Variants in REPS1 observed in about 807,000 individuals in gnomAD.
The protein encoded by REPS1 is ralBP1-associated Eps domain-containing protein 1.
REPS1 carries 39 observed loss-of-function variants against 100.9 expected under a neutral mutation model. That is an observed-to-expected ratio of 0.39 (90% confidence interval 0.30 to 0.50). The LOEUF (loss-of-function observed/expected upper bound fraction) is 0.50, where lower values mean the gene tolerates loss of function less well. Ranked by LOEUF, REPS1 falls within the 20% of genes least tolerant of loss-of-function variation. REPS1 has a pLI of 0.86. For missense variants in REPS1, 821 were observed against 968.5 expected (o/e 0.85, Z 2.02); for synonymous variants, 324 against 340.3 (o/e 0.95, Z 0.53).
chr6:138,949,900 T>C (rs989091395), intron 1 of REPS1, among the ~76,000 whole-genome samples: 11 of 152,166 alleles, frequency 7.2e-5, no homozygotes, highest in Non-Finnish European at 4.4e-5. Context: ...ATGGAGCTGA[T>C]GACTTAGGCA....
intron 12 of REPS1, among the ~76,000 whole-genome samples, chr6:138,918,981 T>C (rs938427433): frequency 2.6e-5 from 4 of 152,228 alleles, no homozygotes; most frequent in African/African-American, 9.7e-5. Flanking sequence ...TCCTTTTTCT[T>C]GTAAATCACA....
chr6:138,903,582 A>G lies in REPS1; in HGVS notation c.*1482T>C, dbSNP rs1375758954. The G allele has an allele frequency of 2.6e-5, 4 of 152,208 alleles. No homozygotes were observed. Among genetic ancestry groups the G allele is most frequent in the African/African-American group, 4.8e-5 (2 of 41,456 alleles). The allele number at this position is 152,208 out of a possible 1,614,324, so 9.4% of individuals were successfully genotyped here. On this transcript the variant is annotated 3_prime_UTR_variant, in exon 20 of 20. Coordinates refer to ENST00000450536, the MANE Select transcript of REPS1 (RefSeq NM_001286611.2). ...TTTGACATTGTTAAATTAGAAGGCT[A>G]TTTTTAAAAAGCATATTTTAAAAAA... is the stretch of plus-strand genomic sequence containing the variant.
intron 1 of REPS1, among the ~76,000 whole-genome samples, chr6:138,971,933 C>T (rs1191062934): frequency 6.6e-6 from 1 of 152,164 alleles, no homozygotes; most frequent in Non-Finnish European, 1.5e-5. Flanking sequence ...TAAAAAGCTG[C>T]CGATGTTTTC....
At position 138,904,236 on chromosome 6, in the gene REPS1, A is replaced by C. The variant is rs1158454238; in HGVS notation, c.*828T>G. ...ATACTCCAGAAACTCATTAATAGGA[A>C]AAACTTGTCTGTATAGCAAAAGAAT... On this transcript the variant is annotated 3_prime_UTR_variant, in exon 20 of 20. Transcript: ENST00000450536. The C allele has an allele frequency of 6.6e-6, 1 of 152,234 alleles. No individual in the cohort carries two copies. Among genetic ancestry groups the C allele is most frequent in the Non-Finnish European group, 1.5e-5 (1 of 68,026 alleles). The allele number at this position is 152,234 out of a possible 1,614,324, so 9.4% of individuals were successfully genotyped here.
At chr6:138,975,186 T>C (rs892654182) in intron 1 of REPS1, among the ~76,000 whole-genome samples, 36 of 152,216 alleles carry the variant, frequency 2.4e-4, no homozygotes, top group African/African-American at 7.9e-4. Flanking sequence ...TCCACCACAT[T>C]ATCTTCTCCC....
At chr6:138,940,333 G>A (rs979522064) in intron 8 of REPS1, among the ~76,000 whole-genome samples, 3 of 152,160 alleles carry the variant, frequency 2.0e-5, no homozygotes, top group Non-Finnish European at 2.9e-5. Flanking sequence ...TGGAAACACT[G>A]AAGACAGTAA....
Position 138,987,652 on chromosome 6 carries a change from G to C in REPS1, c.31C>G (p.Gln11Glu). The change falls in exon 1 of 20, where the codon CAG (glutamine) becomes GAG (glutamate). Residue 11 changes from glutamine to glutamate, a missense_variant. Transcript: ENST00000450536. ...GAGAAGAGATCTGAATAGTATTTCT[G>C]CTCCGCATCGCTCAGCGTTAAGCCT... is the stretch of plus-strand genomic sequence containing the variant. Reference protein sequence around the residue: MEGLTLSDAEQKYYSDLFSYC... With the variant: MEGLTLSDAEEKYYSDLFSYC... The C allele has an allele frequency of 6.5e-7, 1 of 1,549,312 alleles. No homozygotes were observed.
intron 8 of REPS1, among the ~76,000 whole-genome samples, chr6:138,936,965 G>A (rs1049729456): frequency 2.6e-5 from 4 of 152,122 alleles, no homozygotes; most frequent in Non-Finnish European, 5.9e-5. Flanking sequence ...GACATACCAA[G>A]ACTGGGCAAT....
chr6:138,982,219 G>T (rs963230332), intron 1 of REPS1, among the ~76,000 whole-genome samples: 17 of 152,250 alleles, frequency 1.1e-4, no homozygotes, highest in African/African-American at 4.1e-4. Context: ...ACTAATGCCA[G>T]ATCTTGTAAT....
At chr6:138,933,934 G>A (rs1562530861) in intron 8 of REPS1, among the ~76,000 whole-genome samples, 1 of 151,966 alleles carries the variant, frequency 6.6e-6, no homozygotes. Flanking sequence ...AAACGACGAC[G>A]ACAACAACAA....
intron 14 of REPS1, 132 bp downstream of exon 14, chr6:138,915,726 C>T (rs1780323543): frequency 1.2e-5 from 8 of 667,346 alleles, no homozygotes; most frequent in Non-Finnish European, 2.0e-5. Context: ...GGATTACAGG[C>T]ATGAGCAACC....
intron 1 of REPS1, among the ~76,000 whole-genome samples, chr6:138,953,362 A>T (rs1783165885): frequency 6.6e-6 from 1 of 152,170 alleles, no homozygotes; most frequent in South Asian, 2.1e-4. Flanking sequence ...TCAAACTAAA[A>T]ACTTCTGCAC....
intron 1 of REPS1, among the ~76,000 whole-genome samples, chr6:138,983,442 G>A (rs548598793): frequency 2.6e-5 from 4 of 151,992 alleles, no homozygotes; most frequent in African/African-American, 7.3e-5. Flanking sequence ...GCAACAGAGC[G>A]AGAGACTGTC....
chr6:138,962,283 G>T lies in REPS1; in HGVS notation c.154-14370C>A, dbSNP rs544590247. Among the ~76,000 whole-genome samples, 46 of 152,082 alleles carry T rather than the reference G, an allele frequency of 3.0e-4. 1 individual carries two copies. The South Asian group carries it at 9.6e-3, about 32-fold the overall frequency. ...TCATGAAAGATAATCTTACATACAG[G>T]CATTATTATATATTAACCTCCCTTC... On this transcript the variant is annotated intron_variant, in intron 1 of 19. Coordinates refer to ENST00000450536, the MANE Select transcript of REPS1 (RefSeq NM_001286611.2).
intron 1 of REPS1, among the ~76,000 whole-genome samples, chr6:138,983,895 G>A (rs1785095753): frequency 6.6e-6 from 1 of 152,162 alleles, no homozygotes; most frequent in African/African-American, 2.4e-5. Flanking sequence ...TGCCATCTAA[G>A]AATGTCTGAA....
chr6:138,907,333 T>TGTGTGTGTGTGTGG, intron 19 of REPS1, 162 bp downstream of exon 19: 1 of 480,614 alleles, frequency 2.1e-6, no homozygotes, highest in Non-Finnish European at 3.8e-6. Flanking sequence ...TGTGTGTGTG[T>TGTGTGTGTGTGTGG]GTGTGTGGCG....
Position 138,958,092 on chromosome 6 carries a change from G to A in REPS1, c.154-10179C>T, listed in dbSNP as rs986808000. Among the ~76,000 whole-genome samples, 4 of 152,316 alleles carry A rather than the reference G, an allele frequency of 2.6e-5. No homozygotes were observed. The East Asian group carries it at 7.7e-4, about 29-fold the overall frequency. ...AAGTTTCAAAGGTAACAGAGAACCTGACATAAAATTTGAGGGAATACAGAG... is the reference window on the plus strand; with the variant it reads ...AAGTTTCAAAGGTAACAGAGAACCTAACATAAAATTTGAGGGAATACAGAG... On this transcript the variant is annotated intron_variant, in intron 1 of 19. Coordinates refer to ENST00000450536, the MANE Select transcript of REPS1 (RefSeq NM_001286611.2).
chr6:138,943,147 T>G (rs536882498), intron 7 of REPS1, among the ~76,000 whole-genome samples: 2 of 152,218 alleles, frequency 1.3e-5, no homozygotes, highest in Non-Finnish European at 2.9e-5. Context: ...TCTGGTTAAA[T>G]GGAAGCTAAC....
intron 15 of REPS1, 73 bp downstream of exon 15, chr6:138,914,624 T>G: frequency 4.1e-6 from 5 of 1,206,928 alleles, no homozygotes; most frequent in Non-Finnish European, 4.9e-6. Flanking sequence ...CCAAATAATT[T>G]GAGAATAGAA....
Sources: allele counts gnomAD v4.1 joint callset (sites outside exome capture counted in the v4.1 genomes callset), GRCh38; gene constraint gnomAD v4.1.1; transcripts MANE v1.5; gene names NCBI Gene and HGNC (gene_info 2026-07-23, HGNC 2026-07-21).